Variants in LCOR observed in about 807,000 individuals in gnomAD.
LCOR encodes ligand-dependent corepressor.
A neutral mutation model predicts 64.4 loss-of-function variants in LCOR; 14 were observed. The observed-to-expected ratio is 0.22, with a 90% CI of 0.14 to 0.34. The LOEUF (loss-of-function observed/expected upper bound fraction) is 0.34, where lower values mean the gene tolerates loss of function less well. Ranked by LOEUF, LCOR falls within the 10% of genes least tolerant of loss-of-function variation. The probability of loss-of-function intolerance (pLI) is 1.00; values close to 1 mark genes in which losing one functional copy is unlikely to be tolerated. For synonymous variants in LCOR, 643 were observed against 642.5 expected (o/e 1.00, Z -0.01); for missense variants, 1,686 against 1,765.3 (o/e 0.96, Z 0.80).
At chr10:96,940,261 A>C (rs971892033) in intron 4 of LCOR, among the ~76,000 whole-genome samples, 53 of 151,226 alleles carry the variant, frequency 3.5e-4, no homozygotes, top group African/African-American at 1.0e-3. Flanking sequence ...GGAAATTTAT[A>C]AAAGAATGTT....
At chr10:96,887,726 G>A (rs1846368373) in intron 2 of LCOR, among the ~76,000 whole-genome samples, 1 of 150,362 alleles carries the variant, frequency 6.7e-6, no homozygotes, top group Non-Finnish European at 1.5e-5. Context: ...TCTCACCCAG[G>A]CTATAGTGCA....
intron 7 of LCOR, among the ~76,000 whole-genome samples, chr10:96,966,569 T>C (rs1420691431): frequency 1.3e-5 from 2 of 152,080 alleles, no homozygotes; most frequent in Admixed American, 1.3e-4. Context: ...CAGCATATGC[T>C]CGGGACATGT....
intron 7 of LCOR, among the ~76,000 whole-genome samples, chr10:96,969,368 T>G (rs987521137): frequency 2.6e-5 from 4 of 152,204 alleles, no homozygotes; most frequent in Non-Finnish European, 5.9e-5. Flanking sequence ...TTTAGGGGAA[T>G]GTAATCAAAC....
intron 2 of LCOR, among the ~76,000 whole-genome samples, chr10:96,877,598 A>ATTTTTT (rs57119025): frequency 5.0e-4 from 33 of 65,688 alleles, no homozygotes; most frequent in African/African-American, 1.7e-3. Flanking sequence ...ATTTTTCTGA[A>ATTTTTT]TTTTTTTTTT....
At chr10:96,949,384 CAGCAATAAT>C (rs1847639957) in intron 6 of LCOR, 89 bp downstream of exon 6, 1 of 1,147,952 alleles carries the variant, frequency 8.7e-7, no homozygotes, top group Non-Finnish European at 1.3e-6. Context: ...AGAGCATCAG[CAGCAATAAT>C]AGCATAAAAA....
In LCOR at chr10:96,983,522, G is replaced by A. The variant is rs1439296806; in HGVS notation, c.3062G>A (p.Gly1021Asp). The A allele has an allele frequency of 1.9e-6, 3 of 1,614,124 alleles. No individual in the cohort carries two copies. Among genetic ancestry groups the A allele is most frequent in the Non-Finnish European group, 2.5e-6 (3 of 1,180,032 alleles). ...CTTGGGTTGTCGAGTAGTGGAAGTG[G>A]TGATGCTGCTAGGGCACCAAAATCG... ...SSLGLSSSGS[G>D]DAARAPKSVP... The change falls in exon 8 of 8, where the codon GGT (glycine) becomes GAT (aspartate). Residue 1021 changes from glycine (G) to aspartate (D), a missense_variant. By Grantham distance (94) the Gly-to-Asp change is moderately conservative. Coordinates refer to ENST00000421806, the MANE Select transcript of LCOR (RefSeq NM_001346516.2). The surrounding 1 kb of genome is among the most constrained non-coding windows in gnomAD (Gnocchi z 4.5).
In LCOR at chr10:96,982,463, G is replaced by C; in HGVS notation, c.2003G>C (p.Cys668Ser). Residue 668 changes from cysteine to serine, a missense_variant, in exon 8 of 8, where the codon TGT becomes TCT. Cys to Ser is a moderately radical substitution (Grantham distance 112). Coordinates refer to ENST00000421806, the MANE Select transcript of LCOR (RefSeq NM_001346516.2). ...DTEEMSVPQD[C>S]HLLPSTESFS... is the part of the protein sequence containing the mutation. ...GAGGAGATGAGTGTACCCCAGGACTGTCACCTCCTTCCCTCCACTGAAAGC... is the reference window on the plus strand; with the variant it reads ...GAGGAGATGAGTGTACCCCAGGACTCTCACCTCCTTCCCTCCACTGAAAGC... The C allele has an allele frequency of 6.2e-7, 1 of 1,614,206 alleles. No individual in the cohort carries two copies. Among genetic ancestry groups the C allele is most frequent in the Non-Finnish European group, 8.5e-7 (1 of 1,180,038 alleles).
chr10:96,911,097 T>C (rs2134457120), intron 4 of LCOR, among the ~76,000 whole-genome samples: 1 of 147,154 alleles, frequency 6.8e-6, no homozygotes, highest in African/African-American at 2.5e-5. Context: ...TGTTCCCTTT[T>C]TTTTTTTTTT....
At chr10:96,853,316 G>A (rs1190459338) in intron 2 of LCOR, among the ~76,000 whole-genome samples, 1 of 152,040 alleles carries the variant, frequency 6.6e-6, no homozygotes, top group Non-Finnish European at 1.5e-5. Flanking sequence ...CCAAGTGCTG[G>A]GGTTACACGT....
intron 2 of LCOR, among the ~76,000 whole-genome samples, chr10:96,845,375 G>A (rs1173834519): frequency 7.0e-6 from 1 of 142,518 alleles, no homozygotes; most frequent in Middle Eastern, 4.0e-3. Flanking sequence ...AATTTCCTGT[G>A]TGTTAGGTTA....
At chr10:96,846,565 TAAAAC>T (rs1483775530) in intron 2 of LCOR, among the ~76,000 whole-genome samples, 2 of 152,206 alleles carry the variant, frequency 1.3e-5, no homozygotes, top group Non-Finnish European at 2.9e-5. Context: ...ACTGGCTTCT[TAAAAC>T]AAAACAAATC....
intron 2 of LCOR, among the ~76,000 whole-genome samples, chr10:96,877,712 C>T (rs1846193203): frequency 6.7e-6 from 1 of 149,444 alleles, no homozygotes; most frequent in African/African-American, 2.5e-5. Flanking sequence ...CCCGGGTTCA[C>T]GCCATTCTCC....
chr10:96,969,946 A>ATTTTTTTTTTTTT (rs751045855), intron 7 of LCOR, among the ~76,000 whole-genome samples: 1 of 67,736 alleles, frequency 1.5e-5, no homozygotes, highest in Non-Finnish European at 2.5e-5. Context: ...CACCTGGATA[A>ATTTTTTTTTTTTT]TTTTTTTTTT....
rs1346953135 is a variant in LCOR, at chr10:96,893,859, T to TTAACCACTA, written c.-329-13405_-329-13397dup. 1.6e-4 allele frequency among the ~76,000 whole-genome samples: 25 copies of TTAACCACTA among 152,308 alleles called. No individual in the cohort carries two copies. In the East Asian group the frequency reaches 4.2e-3, roughly 26 times the overall value. ...TGACCTGGCTTCGTAATTCATATTC[T>TTAACCACTA]TAACCACTACATCTCTTACTTCCTA... On this transcript the variant is annotated intron_variant, in intron 2 of 7. Coordinates refer to ENST00000421806, the MANE Select transcript of LCOR (RefSeq NM_001346516.2).
intron 2 of LCOR, among the ~76,000 whole-genome samples, chr10:96,872,590 C>A (rs764919663): frequency 6.6e-6 from 1 of 152,068 alleles, no homozygotes; most frequent in Non-Finnish European, 1.5e-5. Flanking sequence ...GGGACTGAGG[C>A]AGGAGGATTG....
intron 2 of LCOR, among the ~76,000 whole-genome samples, chr10:96,853,575 A>C (rs1356674853): frequency 1.3e-5 from 2 of 152,130 alleles, no homozygotes; most frequent in East Asian, 3.9e-4. Context: ...TTGACTAGGC[A>C]GCTCTGCTGA....
chr10:96,954,591 G>C (rs1286703326), intron 7 of LCOR, among the ~76,000 whole-genome samples: 1 of 152,082 alleles, frequency 6.6e-6, no homozygotes, highest in Non-Finnish European at 1.5e-5. Flanking sequence ...ACACAATTCT[G>C]TGTAGATCTA....
At chr10:96,873,569 CACGTGTGTGT>C (rs1172804631) in intron 2 of LCOR, among the ~76,000 whole-genome samples, 19 of 83,466 alleles carry the variant, frequency 2.3e-4, no homozygotes, top group African/African-American at 7.5e-4. Flanking sequence ...CACACACACA[CACGTGTGTGT>C]GTGTGTGTGT....
intron 2 of LCOR, among the ~76,000 whole-genome samples, chr10:96,901,766 A>G (rs1311935093): frequency 6.6e-6 from 1 of 151,928 alleles, no homozygotes; most frequent in Non-Finnish European, 1.5e-5. Flanking sequence ...CCGTTCCTCC[A>G]TCTGTCCATC....
Sources: allele counts gnomAD v4.1 joint callset (sites outside exome capture counted in the v4.1 genomes callset), GRCh38; gene constraint gnomAD v4.1.1; non-coding constraint Gnocchi (gnomAD v3.1); transcripts MANE v1.5; gene names NCBI Gene and HGNC (gene_info 2026-07-23, HGNC 2026-07-21).